FH: variants seen among roughly 807,000 people sequenced by gnomAD.
FH encodes fumarate hydratase, mitochondrial.
Under a neutral mutation model 49.4 loss-of-function variants are expected in FH, and 22 were observed. The ratio of observed to expected loss-of-function variants is 0.45; its 90% CI spans 0.32 to 0.64. The LOEUF is 0.64. FH is among the 30% of genes least tolerant of loss of function. The pLI is 0.05. For synonymous variants in FH, 208 were observed against 223.0 expected, an observed-to-expected ratio of 0.93 and a Z score of 0.60; for missense variants, 526 against 641.5, an observed-to-expected ratio of 0.82 and a Z score of 1.95.
intron 2 of FH, 50 bp downstream of exon 2, chr1:241,517,132 T>TACAG (rs1274918382): frequency 6.8e-6 from 11 of 1,610,626 alleles, no homozygotes; most frequent in Non-Finnish European, 8.5e-6. Flanking sequence ...GACTCATGAA[T>TACAG]ACAGCCTACT....
intron 7 of FH, among the ~76,000 whole-genome samples, chr1:241,503,154 A>G (rs1659825028): frequency 6.6e-6 from 1 of 152,206 alleles, no homozygotes; most frequent in Admixed American, 6.5e-5. Context: ...AACACACTGG[A>G]AAGATTATTG....
intron 6 of FH, 91 bp from the exon 7 acceptor site, chr1:241,504,336 C>T (rs897847023): frequency 1.2e-5 from 15 of 1,241,294 alleles, no homozygotes; most frequent in African/African-American, 4.6e-5. Flanking sequence ...TTCCAATATA[C>T]GAAAAAATAA....
At chr1:241,503,916 T>G (rs1000426999) in intron 7 of FH, 126 bp downstream of exon 7, 14 of 994,746 alleles carry the variant, frequency 1.4e-5, no homozygotes, top group Middle Eastern at 2.0e-4. Flanking sequence ...ACAGACATGC[T>G]GGAACAGTGC....
chr1:241,503,417 C>T lies in FH; in HGVS notation c.1108+625G>A, dbSNP rs145989445. ...CTTTATGGATCTCAGTTCTGTCATC[C>T]ATAGTATTGCTATCCCAACTTTGTT... On this transcript the variant is annotated intron_variant, in intron 7 of 9. Coordinates refer to ENST00000366560, the MANE Select transcript of FH (RefSeq NM_000143.4). Among the ~76,000 whole-genome samples, 157 of 152,312 alleles carry T rather than the reference C, an allele frequency of 1.0e-3. 1 individual carries two copies. Among genetic ancestry groups the T allele is most frequent in the African/African-American group, 3.8e-3 (156 of 41,578 alleles).
rs149241949 is a variant in FH at position 241,502,429 on chromosome 1, G to T, written c.1236+14C>A. 1 of 1,613,676 alleles carries T rather than the reference G, an allele frequency of 6.2e-7. No individual in the cohort carries two copies. Among genetic ancestry groups the T allele is most frequent in the African/African-American group, 1.3e-5 (1 of 74,840 alleles). The stretch of plus-strand genomic sequence containing the variant: ...TTTGGTCAAAAAACATTAAAAATCA[G>T]ATTTAAAGCTTACCATCATTGGCTT... On this transcript the variant is annotated intron_variant, in intron 8 of 9. Coordinates refer to ENST00000366560, the MANE Select transcript of FH (RefSeq NM_000143.4).
At chr1:241,506,412 T>C (rs1415261364) in intron 5 of FH, among the ~76,000 whole-genome samples, 4 of 152,302 alleles carry the variant, frequency 2.6e-5, no homozygotes, top group Admixed American at 6.5e-5. Flanking sequence ...TATAATCTAG[T>C]CTTTTAATAG....
chr1:241,509,131 TAC>T (rs1463942457), intron 4 of FH, among the ~76,000 whole-genome samples: 6 of 150,172 alleles, frequency 4.0e-5, no homozygotes, highest in African/African-American at 7.3e-5. Context: ...GACAGCAAAA[TAC>T]AGAGAAGTAT....
At position 241,497,797 on chromosome 1, in the gene FH, CAT is replaced by C. The variant is rs775130177; in HGVS notation, c.*29_*30del. The C allele has an allele frequency of 2.0e-5, 30 of 1,535,892 alleles. No individual in the cohort carries two copies. The East Asian group carries it at 5.6e-4, about 29-fold the overall frequency. Reference sequence around the variant, plus strand: ...GGAGTCTGTTTTTTTAAATTTTATACATGTTTATTTTCATTATAAATTTATGT... The same window carrying C: ...GGAGTCTGTTTTTTTAAATTTTATACGTTTATTTTCATTATAAATTTATGT... On this transcript the variant is annotated 3_prime_UTR_variant, in exon 10 of 10. Transcript: ENST00000366560.
chr1:241,506,161 C>T lies in FH; in HGVS notation c.746G>A (p.Ser249Asn). The T allele has an allele frequency of 6.2e-7, 1 of 1,612,434 alleles. No individual in the cohort carries two copies. Among genetic ancestry groups the T allele is most frequent in the Non-Finnish European group, 8.5e-7 (1 of 1,178,744 alleles). The change falls in exon 6 of 10, where the codon AGT (serine) becomes AAT (asparagine). Residue 249 changes from serine (S) to asparagine (N), a missense_variant. Transcript: ENST00000366560. ...AVPLTLGQEF[S>N]GYVQQVKYAM... ...ATATTTTACTTGTTGAACATAACCACTAAATTCCTGAAAAGAAAAGAAAAT... is the reference window on the plus strand; with the variant it reads ...ATATTTTACTTGTTGAACATAACCATTAAATTCCTGAAAAGAAAAGAAAAT...
intron 4 of FH, 79 bp from the exon 5 acceptor site, chr1:241,508,864 A>G: frequency 7.9e-7 from 1 of 1,266,076 alleles, no homozygotes; most frequent in Non-Finnish European, 1.1e-6. Context: ...AAACTTCTCA[A>G]TTAAAAAACT....
In FH at chr1:241,513,209, T is replaced by C. The variant is rs554927135; in HGVS notation, c.378+394A>G. Among the ~76,000 whole-genome samples, 5 of 152,262 alleles carry C rather than the reference T, an allele frequency of 3.3e-5. No homozygotes were observed. The East Asian group carries it at 9.6e-4, about 29-fold the overall frequency. On this transcript the variant is annotated intron_variant, in intron 3 of 9. Coordinates refer to ENST00000366560, the MANE Select transcript of FH (RefSeq NM_000143.4). ...ATACAGTTCTGTTACCTCTGATTGC[T>C]TCTTTAAGACAATGTTATTAGCATA...
intron 6 of FH, among the ~76,000 whole-genome samples, chr1:241,504,825 C>T (rs1439866604): frequency 2.6e-5 from 4 of 151,740 alleles, no homozygotes; most frequent in South Asian, 2.1e-4. Context: ...TGCAAACACA[C>T]GTATATGATG....
intron 2 of FH, among the ~76,000 whole-genome samples, chr1:241,515,494 T>C (rs187484816): frequency 6.6e-6 from 1 of 152,268 alleles, no homozygotes; most frequent in East Asian, 1.9e-4. Flanking sequence ...AAACTATGTT[T>C]ACCTCACCAC....
rs1659748455 is a variant in FH, at chr1:241,500,573, G to A, written c.1254C>T (p.His418=). The change falls in exon 9 of 10, where the codon CAC becomes CAT. Residue 418 remains histidine (H), a synonymous_variant. Coordinates refer to ENST00000366560, the MANE Select transcript of FH (RefSeq NM_000143.4). ...AAGCATCCCCCAGCAGCCTGGCTGAGTGTAACACATTTTTAATCTTTGAGT... is the reference window on the plus strand; with the variant it reads ...AAGCATCCCCCAGCAGCCTGGCTGAATGTAACACATTTTTAATCTTTGAGT... ...FKPMMIKNVL[H]SARLLGDASV... 2 of 1,606,810 alleles carry A rather than the reference G, an allele frequency of 1.2e-6. No individual in the cohort carries two copies. Among genetic ancestry groups the A allele is most frequent in the Admixed American group, 1.7e-5 (1 of 59,222 alleles).
At chr1:241,517,392 T>C (rs1191193202) in intron 1 of FH, 76 bp from the exon 2 acceptor site, 20 of 1,527,464 alleles carry the variant, frequency 1.3e-5, no homozygotes, top group African/African-American at 4.1e-5. Flanking sequence ...TTATCAGCTG[T>C]TAAAGAGAAA....
chr1:241,498,930 A>C (rs750420535), intron 9 of FH, among the ~76,000 whole-genome samples: 1 of 151,410 alleles, frequency 6.6e-6, no homozygotes, highest in Admixed American at 6.6e-5. Flanking sequence ...TTATTACTTA[A>C]CTGAATTTGT....
rs181655698 is a variant in FH at position 241,519,618 on chromosome 1, C to A, written c.105G>T (p.Ser35=). Residue 35 remains serine, a synonymous_variant, in exon 1 of 10, where the codon TCG becomes TCT. Coordinates refer to ENST00000366560, the MANE Select transcript of FH (RefSeq NM_000143.4). The part of the protein sequence containing the change: ...APGLGGAAVP[S]FWPPNAARMA... Reference sequence around the variant, plus strand: ...TTCGAGCCGCGTTCGGAGGCCAAAACGAGGGCACGGCCGCGCCACCCAAGC... The same window carrying A: ...TTCGAGCCGCGTTCGGAGGCCAAAAAGAGGGCACGGCCGCGCCACCCAAGC... 2 of 1,547,770 alleles carry A rather than the reference C, an allele frequency of 1.3e-6. No individual in the cohort carries two copies. Among genetic ancestry groups the A allele is most frequent in the Non-Finnish European group, 1.7e-6 (2 of 1,146,434 alleles).
intron 1 of FH, 109 bp downstream of exon 1, chr1:241,519,482 G>T: frequency 7.4e-7 from 1 of 1,349,220 alleles, no homozygotes; most frequent in Non-Finnish European, 9.9e-7. Context: ...GTCTGGCGCG[G>T]CCCGGACGCC....
At chr1:241,518,188 A>G (rs1310951278) in intron 1 of FH, among the ~76,000 whole-genome samples, 1 of 152,220 alleles carries the variant, frequency 6.6e-6, no homozygotes, top group Non-Finnish European at 1.5e-5. Context: ...CAAAACCAAC[A>G]GAGATTTTGG....
Sources: gnomAD v4.1 joint callset for allele counts (sites outside exome capture counted in the v4.1 genomes callset) on GRCh38, gnomAD v4.1.1 for gene constraint, MANE v1.5 for transcripts, NCBI Gene and HGNC (gene_info 2026-07-23, HGNC 2026-07-21) for gene names.